The following CNTNAP2 variants were observed in gnomAD, a reference collection of about 807,000 sequenced individuals.
CNTNAP2 encodes contactin-associated protein-like 2.
Under a neutral mutation model 155.2 loss-of-function variants are expected in CNTNAP2, and 98 were observed. The observed-to-expected ratio is 0.63, with a 90% confidence interval of 0.54 to 0.75. The LOEUF (loss-of-function observed/expected upper bound fraction) is 0.75, where lower values mean the gene tolerates loss of function less well. Ranked by LOEUF, CNTNAP2 falls within the 30% of genes least tolerant of loss-of-function variation. The pLI, the probability that CNTNAP2 is intolerant of heterozygous loss-of-function variation, is 0.00. For missense variants in CNTNAP2, 1,727 were observed against 1,688.1 expected, an observed-to-expected ratio of 1.02 and a Z score of -0.40; for synonymous variants, 651 against 631.2, an observed-to-expected ratio of 1.03 and a Z score of -0.47.
At chr7:146,877,740 C>T (rs909437248) in intron 3 of CNTNAP2, among the ~76,000 whole-genome samples, 2 of 151,758 alleles carry the variant, frequency 1.3e-5, no homozygotes, top group African/African-American at 2.4e-5. Context: ...TGGATATTTA[C>T]TTTGAATGAA....
intron 1 of CNTNAP2, among the ~76,000 whole-genome samples, chr7:146,679,622 T>C (rs1271078405): frequency 6.6e-6 from 1 of 152,190 alleles, no homozygotes; most frequent in Non-Finnish European, 1.5e-5. Flanking sequence ...CCCAAAGTGC[T>C]AGGATTACAG....
intron 12 of CNTNAP2, among the ~76,000 whole-genome samples, chr7:147,565,065 G>A (rs1318925912): frequency 6.6e-6 from 1 of 152,138 alleles, no homozygotes; most frequent in Non-Finnish European, 1.5e-5. Flanking sequence ...AGAAGAGGAG[G>A]GAGTAACAGC....
chr7:147,629,928 A>G (rs1795054388), intron 12 of CNTNAP2, among the ~76,000 whole-genome samples: 1 of 152,126 alleles, frequency 6.6e-6, no homozygotes, highest in Non-Finnish European at 1.5e-5. Flanking sequence ...TAGAAAAACA[A>G]GTACAAACAA....
intron 21 of CNTNAP2, among the ~76,000 whole-genome samples, chr7:148,326,310 G>A (rs144984387): frequency 2.8e-4 from 42 of 152,240 alleles, no homozygotes; most frequent in African/African-American, 9.4e-4. Context: ...GGATCTTAGA[G>A]TCTGGCCTCT....
intron 15 of CNTNAP2, among the ~76,000 whole-genome samples, chr7:148,045,257 G>C (rs773176582): frequency 6.6e-6 from 1 of 152,128 alleles, no homozygotes; most frequent in Non-Finnish European, 1.5e-5. Context: ...AGAGACCTCA[G>C]GGCCTAAGAC....
intron 17 of CNTNAP2, among the ~76,000 whole-genome samples, chr7:148,150,348 A>T (rs552594838): frequency 6.6e-6 from 1 of 152,156 alleles, no homozygotes; most frequent in South Asian, 2.1e-4. Flanking sequence ...GGAGATCCTG[A>T]CCATCCTGGC....
intron 6 of CNTNAP2, 102 bp from the exon 7 acceptor site, chr7:147,128,591 T>G: frequency 5.5e-6 from 7 of 1,270,958 alleles, no homozygotes; most frequent in Non-Finnish European, 8.0e-6. Context: ...ATTTGTATAT[T>G]TTGGTTGAGG....
intron 3 of CNTNAP2, among the ~76,000 whole-genome samples, chr7:146,872,377 C>T (rs1267893480): frequency 6.6e-6 from 1 of 152,100 alleles, no homozygotes. Context: ...CAGGCTTTGC[C>T]TGTACTTTAA....
intron 1 of CNTNAP2, among the ~76,000 whole-genome samples, chr7:146,364,413 C>T (rs1336363971): frequency 6.6e-6 from 1 of 152,124 alleles, no homozygotes; most frequent in Non-Finnish European, 1.5e-5. Flanking sequence ...TCTCTTCACT[C>T]CTACTCTAGT....
chr7:146,568,950 C>G lies in CNTNAP2; in HGVS notation c.98-205321C>G, dbSNP rs145884403. On this transcript the variant is annotated intron_variant, in intron 1 of 23. Transcript: ENST00000361727. Reference sequence around the variant, plus strand: ...ATGGGTGTCCCAAAGTCACGCAAATCACAAGTTCCCATCTTGTTTTTTCTC... The same window carrying G: ...ATGGGTGTCCCAAAGTCACGCAAATGACAAGTTCCCATCTTGTTTTTTCTC... Among the ~76,000 whole-genome samples, 701 of 151,944 alleles carry G rather than the reference C, an allele frequency of 4.6e-3. 5 individuals are homozygous for G. Among genetic ancestry groups the G allele is most frequent in the African/African-American group, 0.016 (654 of 41,472 alleles).
intron 14 of CNTNAP2, among the ~76,000 whole-genome samples, chr7:147,945,890 A>G (rs1298082562): frequency 8.1e-6 from 1 of 123,880 alleles, no homozygotes; most frequent in African/African-American, 3.1e-5. Flanking sequence ...TTTTTGAGAC[A>G]GAGTCTTACT....
chr7:146,156,859 C>T (rs1798134479), intron 1 of CNTNAP2, among the ~76,000 whole-genome samples: 1 of 152,182 alleles, frequency 6.6e-6, no homozygotes, highest in Non-Finnish European at 1.5e-5. Flanking sequence ...CCTCGACCTC[C>T]CAAAAGTTCT....
intron 15 of CNTNAP2, among the ~76,000 whole-genome samples, chr7:147,985,179 T>A (rs367608660): frequency 1.1e-4 from 16 of 151,924 alleles, no homozygotes; most frequent in East Asian, 1.9e-4. Context: ...TGTTCCTAGA[T>A]CCATTTATTC....
At chr7:147,278,791 A>T (rs1211667496) in intron 8 of CNTNAP2, among the ~76,000 whole-genome samples, 1 of 151,460 alleles carries the variant, frequency 6.6e-6, no homozygotes, top group Non-Finnish European at 1.5e-5. Context: ...AAATTATTTC[A>T]GTCTTTTCGT....
At chr7:147,353,061 G>T (rs943028630) in intron 9 of CNTNAP2, among the ~76,000 whole-genome samples, 2 of 149,198 alleles carry the variant, frequency 1.3e-5, no homozygotes, top group Non-Finnish European at 3.0e-5. Context: ...CCGCAACTCT[G>T]TTTCAGCATG....
intron 21 of CNTNAP2, among the ~76,000 whole-genome samples, chr7:148,273,609 G>T (rs1449238871): frequency 6.6e-6 from 1 of 152,224 alleles, no homozygotes; most frequent in Non-Finnish European, 1.5e-5. Context: ...TAGCTTCTCT[G>T]TGTAAACTTG....
Position 147,703,160 on chromosome 7 carries a change from C to T in CNTNAP2, c.2098+63854C>T, listed in dbSNP as rs560159999. ...CCTTCTCCATACACCAACCACATTACCAACCTCCCCTTCCCATCGAGAGAA... is the reference window on the plus strand; with the variant it reads ...CCTTCTCCATACACCAACCACATTATCAACCTCCCCTTCCCATCGAGAGAA... On this transcript the variant is annotated intron_variant, in intron 13 of 23. Transcript: ENST00000361727. Among the ~76,000 whole-genome samples, 17 of 152,232 alleles carry T rather than the reference C, an allele frequency of 1.1e-4. No individual in the cohort carries two copies. In the South Asian group the frequency reaches 3.1e-3, roughly 28 times the overall value.
At chr7:148,105,268 G>A (rs1429314628) in intron 15 of CNTNAP2, among the ~76,000 whole-genome samples, 1 of 152,200 alleles carries the variant, frequency 6.6e-6, no homozygotes, top group Non-Finnish European at 1.5e-5. Flanking sequence ...TAGAAATCAA[G>A]TCCAATGTGG....
At chr7:147,052,947 T>A (rs958173649) in intron 4 of CNTNAP2, among the ~76,000 whole-genome samples, 38 of 152,036 alleles carry the variant, frequency 2.5e-4, no homozygotes, top group African/African-American at 8.9e-4. Flanking sequence ...CATTAAGAGA[T>A]CTGGAACTTA....
Sources: allele counts gnomAD v4.1 joint callset (sites outside exome capture counted in the v4.1 genomes callset), GRCh38; gene constraint gnomAD v4.1.1; transcripts MANE v1.5; gene names NCBI Gene and HGNC (gene_info 2026-07-23, HGNC 2026-07-21).